The following ABCA1 variants were observed in gnomAD, a reference collection of about 807,000 sequenced individuals.
ABCA1 encodes ATP binding cassette subfamily A member 1, also known as phospholipid-transporting ATPase ABCA1.
ABCA1 carries 133 observed loss-of-function variants against 262.5 expected under a neutral mutation model. The ratio of observed to expected loss-of-function variants is 0.51; its 90% CI spans 0.44 to 0.59. ABCA1 has a LOEUF of 0.59. ABCA1 is among the 20% of genes least tolerant of loss of function. The pLI is 0.00. For missense variants in ABCA1, 2,452 were observed against 2,777.5 expected, an observed-to-expected ratio of 0.88 and a Z score of 2.63; for synonymous variants, 1,022 against 1,043.5, an observed-to-expected ratio of 0.98 and a Z score of 0.40.
At chr9:104,798,794 T>A (rs1830104732) in intron 36 of ABCA1, among the ~76,000 whole-genome samples, 196 bp from the exon 37 acceptor site, 1 of 152,188 alleles carries the variant, frequency 6.6e-6, no homozygotes. Context: ...TCTAAAAATA[T>A]GACAATGTAA....
chr9:104,830,995 G>A lies in ABCA1; in HGVS notation c.1822C>T (p.Leu608=), dbSNP rs1335124113. ...CCAGTTTTCTTCTCGGTGCCCGTCA[G>A]CACCCTGATGATTGCCTGCTCCACC... The part of the protein sequence containing the change: ...DVVEQAIIRV[L]TGTEKKTGVY... The change falls in exon 14 of 50, where the codon CTG becomes TTG. Residue 608 remains leucine, a synonymous_variant. Coordinates refer to ENST00000374736, the MANE Select transcript of ABCA1 (RefSeq NM_005502.4). 6.2e-7 allele frequency: 1 copy of A among 1,613,864 alleles called. No homozygotes were observed. The highest frequency in any genetic ancestry group is 1.7e-5 in the Admixed American group (1 of 60,006).
Position 104,787,977 on chromosome 9 carries a change from G to A in ABCA1, c.6147C>T (p.Asn2049=), listed in dbSNP as rs758292384. Residue 2049 remains asparagine (N), a synonymous_variant, in exon 46 of 50, where the codon AAC becomes AAT. Coordinates refer to ENST00000374736, the MANE Select transcript of ABCA1 (RefSeq NM_005502.4). ...CCATGGCTGTAGAGAGCTTGCGTTTGTTGCCTCCACTATAGTTACCAGCAT... is the reference window on the plus strand; with the variant it reads ...CCATGGCTGTAGAGAGCTTGCGTTTATTGCCTCCACTATAGTTACCAGCAT... The part of the protein sequence containing the change: ...EKYAGNYSGG[N]KRKLSTAMAL... The A allele has an allele frequency of 2.5e-6, 4 of 1,614,188 alleles. No homozygotes were observed. The East Asian group carries it at 8.9e-5, about 36-fold the overall frequency.
rs899012637 is a variant in ABCA1, at chr9:104,875,812, T to A, written c.421+7227A>T. ...CACTATTCAACTCAAATCATCACAGTTCTCATGGAGAGTGCCATTCACAGG... is the reference window on the plus strand; with the variant it reads ...CACTATTCAACTCAAATCATCACAGATCTCATGGAGAGTGCCATTCACAGG... On this transcript the variant is annotated intron_variant, in intron 5 of 49. Coordinates refer to ENST00000374736, the MANE Select transcript of ABCA1 (RefSeq NM_005502.4). Among the ~76,000 whole-genome samples the A allele has an allele frequency of 7.2e-5, 11 of 152,170 alleles. No homozygotes were observed. In the East Asian group the frequency reaches 2.1e-3, roughly 29 times the overall value.
chr9:104,785,018 C>A (rs568928664), intron 49 of ABCA1, among the ~76,000 whole-genome samples: 1 of 152,094 alleles, frequency 6.6e-6, no homozygotes, highest in Non-Finnish European at 1.5e-5. Flanking sequence ...TTGGCACATA[C>A]GGTCTTGATT....
chr9:104,824,086 T>G (rs1456122594), intron 18 of ABCA1, among the ~76,000 whole-genome samples: 1 of 152,186 alleles, frequency 6.6e-6, no homozygotes, highest in African/African-American at 2.4e-5. Flanking sequence ...CCACACAGGC[T>G]GATACACAGG....
intron 6 of ABCA1, among the ~76,000 whole-genome samples, chr9:104,858,973 C>T (rs1274387422): frequency 6.6e-6 from 1 of 152,184 alleles, no homozygotes; most frequent in Non-Finnish European, 1.5e-5. Flanking sequence ...ATCCAGAGTC[C>T]AACTCGTTTT....
At chr9:104,796,800 C>T (rs1007466553) in intron 37 of ABCA1, among the ~76,000 whole-genome samples, 3 of 152,180 alleles carry the variant, frequency 2.0e-5, no homozygotes, top group African/African-American at 7.2e-5. Flanking sequence ...ATATTATAGT[C>T]TGCCCAAGTT....
intron 1 of ABCA1, among the ~76,000 whole-genome samples, chr9:104,913,834 C>G (rs1022192996): frequency 3.9e-5 from 6 of 152,112 alleles, no homozygotes; most frequent in East Asian, 1.9e-4. Context: ...CTGGCTCTGT[C>G]GCCCAGGCTG....
chr9:104,808,335 G>A (rs988443364), intron 30 of ABCA1, among the ~76,000 whole-genome samples: 1 of 152,082 alleles, frequency 6.6e-6, no homozygotes, highest in African/African-American at 2.4e-5. Flanking sequence ...CAATCCATGA[G>A]TTCATATGGT....
chr9:104,800,254 T>C (rs555443839), intron 35 of ABCA1, among the ~76,000 whole-genome samples: 2 of 152,340 alleles, frequency 1.3e-5, no homozygotes, highest in East Asian at 1.9e-4. Flanking sequence ...CTATGATTAC[T>C]GTCTCCATTT....
At chr9:104,915,045 A>ACT (rs1318497002) in intron 1 of ABCA1, among the ~76,000 whole-genome samples, 5 of 152,076 alleles carry the variant, frequency 3.3e-5, no homozygotes, top group Admixed American at 3.3e-4. Flanking sequence ...AGAGCCTTGA[A>ACT]CTCTAAACCC....
At chr9:104,889,270 A>G (rs1321126608) in intron 2 of ABCA1, 75 bp from the exon 3 acceptor site, 4 of 1,551,132 alleles carry the variant, frequency 2.6e-6, no homozygotes, top group Non-Finnish European at 3.5e-6. Context: ...GATCTGGGAA[A>G]TCCACAGACA....
At chr9:104,800,756 CT>C (rs1830263450) in intron 34 of ABCA1, among the ~76,000 whole-genome samples, 172 bp from the exon 35 acceptor site, 2 of 152,264 alleles carry the variant, frequency 1.3e-5, no homozygotes, top group African/African-American at 4.8e-5. Flanking sequence ...AACCAAGTGA[CT>C]AGAAATCTAC....
Position 104,830,914 on chromosome 9 carries a change from A to C in ABCA1, c.1892+11T>G, listed in dbSNP as rs770659355. ...AAACTGGTTAAAAACAGTGGCTTGC[A>C]GGTAACTTACATGTCATCAACGTAA... is the stretch of plus-strand genomic sequence containing the variant. On this transcript the variant is annotated intron_variant, in intron 14 of 49. Transcript: ENST00000374736. 3 of 1,613,672 alleles carry C rather than the reference A, an allele frequency of 1.9e-6. No individual in the cohort carries two copies. The highest frequency in any genetic ancestry group is 1.3e-5 in the African/African-American group (1 of 74,950).
chr9:104,863,212 A>C (rs1220908782), intron 5 of ABCA1, among the ~76,000 whole-genome samples: 1 of 152,156 alleles, frequency 6.6e-6, no homozygotes, highest in African/African-American at 2.4e-5. Context: ...TTGATCTCCA[A>C]AATGAGAGGT....
chr9:104,806,158 T>G, intron 31 of ABCA1, 83 bp downstream of exon 31: 1 of 1,372,032 alleles, frequency 7.3e-7, no homozygotes, highest in Non-Finnish European at 1.0e-6. Context: ...CAACATGATA[T>G]CTCACTCATT....
intron 1 of ABCA1, among the ~76,000 whole-genome samples, chr9:104,909,874 A>G (rs1284986922): frequency 5.9e-5 from 9 of 152,240 alleles, no homozygotes; most frequent in Admixed American, 5.2e-4. Context: ...TGGCATAGCC[A>G]AAAGAAAAAC....
chr9:104,788,135 T>A, intron 45 of ABCA1, 81 bp from the exon 46 acceptor site: 1 of 1,446,600 alleles, frequency 6.9e-7, no homozygotes, highest in Non-Finnish European at 9.7e-7. Flanking sequence ...GTATGAAAGT[T>A]CTTTCACTGA....
chr9:104,818,921 G>C (rs754665844), intron 22 of ABCA1, 38 bp from the exon 23 acceptor site: 29 of 1,552,280 alleles, frequency 1.9e-5, no homozygotes, highest in Non-Finnish European at 2.2e-5. Context: ...GACAGGTGAG[G>C]CCTCTCAGTT....
Sources: gnomAD v4.1 joint callset for allele counts (sites outside exome capture counted in the v4.1 genomes callset) on GRCh38, gnomAD v4.1.1 for gene constraint, MANE v1.5 for transcripts, NCBI Gene and HGNC (gene_info 2026-07-23, HGNC 2026-07-21) for gene names.